SLC5A12: variants seen among roughly 807,000 people sequenced by gnomAD.
SLC5A12 encodes the protein solute carrier family 5 member 12.
SLC5A12 carries 46 observed loss-of-function variants against 72.7 expected under a neutral mutation model. The ratio of observed to expected loss-of-function variants is 0.63; its 90% CI spans 0.50 to 0.81. The LOEUF (loss-of-function observed/expected upper bound fraction) is 0.81. SLC5A12 is among the 30% of genes least tolerant of loss of function. SLC5A12 has a pLI of 0.00. For synonymous variants in SLC5A12, 275 were observed against 264.4 expected, an observed-to-expected ratio of 1.04 and a Z score of -0.39; for missense variants, 683 against 740.7, an observed-to-expected ratio of 0.92 and a Z score of 0.90.
chr11:26,718,743 C>T (rs1855411402), intron 1 of SLC5A12, among the ~76,000 whole-genome samples: 1 of 151,962 alleles, frequency 6.6e-6, no homozygotes, highest in Admixed American at 6.6e-5. Context: ...CCCAACTCAG[C>T]CTCCCAAAAT....
chr11:26,687,621 C>T (rs964935509), intron 9 of SLC5A12, among the ~76,000 whole-genome samples: 2 of 152,184 alleles, frequency 1.3e-5, no homozygotes, highest in African/African-American at 2.4e-5. Context: ...GCCTGGCACG[C>T]AGCAAGTACT....
chr11:26,686,365 G>A, intron 10 of SLC5A12, 112 bp downstream of exon 10: 1 of 824,170 alleles, frequency 1.2e-6, no homozygotes, highest in Admixed American at 2.1e-5. Context: ...TTAATTTGGA[G>A]CTGGTATCAT....
chr11:26,706,504 G>T (rs1855093264), intron 4 of SLC5A12, among the ~76,000 whole-genome samples: 1 of 151,612 alleles, frequency 6.6e-6, no homozygotes, highest in Non-Finnish European at 1.5e-5. Context: ...CATGTTTTTT[G>T]GTTTCTATTT....
intron 9 of SLC5A12, among the ~76,000 whole-genome samples, chr11:26,691,251 G>A (rs928029590): frequency 6.6e-6 from 1 of 151,746 alleles, no homozygotes; most frequent in Non-Finnish European, 1.5e-5. Context: ...CCACTAACTT[G>A]GGCAATTTAA....
chr11:26,704,841 G>A (rs977848960), intron 4 of SLC5A12, among the ~76,000 whole-genome samples: 2 of 152,042 alleles, frequency 1.3e-5, no homozygotes, highest in Admixed American at 1.3e-4. Flanking sequence ...ATTAGTGACA[G>A]GGAATATATT....
rs138666136 is a variant in SLC5A12 at position 26,677,614 on chromosome 11, A to C, written c.1579+1098T>G. Among the ~76,000 whole-genome samples the C allele has an allele frequency of 1.9e-3, 296 of 152,310 alleles. 2 individuals are homozygous for C. The highest frequency in any genetic ancestry group is 6.9e-3 in the African/African-American group (286 of 41,558). Reference sequence around the variant, plus strand: ...TCTTTTGCCTGAAACCATTTACATAAAGACATTGAGAGAGTTGTTATTATG... The same window carrying C: ...TCTTTTGCCTGAAACCATTTACATACAGACATTGAGAGAGTTGTTATTATG... On this transcript the variant is annotated intron_variant, in intron 13 of 14. Transcript: ENST00000396005.
intron 4 of SLC5A12, among the ~76,000 whole-genome samples, chr11:26,708,584 G>C (rs1037121961): frequency 6.6e-6 from 1 of 152,018 alleles, no homozygotes; most frequent in Non-Finnish European, 1.5e-5. Context: ...GTGAAGGAAA[G>C]ATAATTCAAC....
intron 9 of SLC5A12, chr11:26,692,210 C>T (rs1003621160): frequency 7.0e-5 from 18 of 255,742 alleles, no homozygotes; most frequent in East Asian, 4.6e-4. Flanking sequence ...GGGCCGTATG[C>T]GGCCCACAGG....
chr11:26,694,731 T>C (rs755337067), intron 8 of SLC5A12, among the ~76,000 whole-genome samples: 2 of 152,206 alleles, frequency 1.3e-5, no homozygotes, highest in Non-Finnish European at 2.9e-5. Context: ...GAGAAAAATA[T>C]GTGACCATTT....
intron 1 of SLC5A12, among the ~76,000 whole-genome samples, chr11:26,716,960 T>C (rs1413712683): frequency 6.6e-6 from 1 of 152,020 alleles, no homozygotes; most frequent in African/African-American, 2.4e-5. Flanking sequence ...ATTTCTAGAG[T>C]AAAAGCTAAT....
chr11:26,719,035 T>A (rs1236640623), intron 1 of SLC5A12, among the ~76,000 whole-genome samples: 1 of 152,172 alleles, frequency 6.6e-6, no homozygotes, highest in Non-Finnish European at 1.5e-5. Flanking sequence ...GAATCAAATC[T>A]CCTCAGTTAC....
At chr11:26,704,091 G>T in intron 4 of SLC5A12, 144 bp from the exon 5 acceptor site, 1 of 820,130 alleles carries the variant, frequency 1.2e-6, no homozygotes, top group Non-Finnish European at 1.9e-6. Context: ...CAAGTACCAT[G>T]TTAAGCATGA....
At chr11:26,708,369 G>T (rs1407218131) in intron 4 of SLC5A12, among the ~76,000 whole-genome samples, 1 of 151,904 alleles carries the variant, frequency 6.6e-6, no homozygotes, top group Non-Finnish European at 1.5e-5. Flanking sequence ...TAGAATCATG[G>T]TAATGAGAAT....
intron 9 of SLC5A12, 25 bp from the exon 10 acceptor site, chr11:26,686,569 A>G (rs368007287): frequency 6.2e-7 from 1 of 1,608,324 alleles, no homozygotes; most frequent in Non-Finnish European, 8.5e-7. Context: ...AATTACAATC[A>G]TAATTTCCTG....
rs560930121 is a variant in SLC5A12, at chr11:26,686,664, G to C, written c.1154-120C>G. 31 of 786,120 alleles carry C rather than the reference G, an allele frequency of 3.9e-5. No individual in the cohort carries two copies. In the South Asian group the frequency reaches 4.8e-4, roughly 12 times the overall value. 48.7% of individuals were successfully genotyped at this position (786,120 alleles called of 1,614,324 possible). On this transcript the variant is annotated intron_variant, in intron 9 of 14. Transcript: ENST00000396005. ...GCCCTTTGCAAAGGGATCTCAGCGA[G>C]GACCATCCTCCCCATTCAGCCATCA...
intron 4 of SLC5A12, among the ~76,000 whole-genome samples, chr11:26,706,243 T>C (rs1201335857): frequency 7.3e-6 from 1 of 137,726 alleles, no homozygotes; most frequent in Non-Finnish European, 1.6e-5. Context: ...ATTATATGGG[T>C]AGATTGGATT....
At position 26,721,542 on chromosome 11, in the gene SLC5A12, G is replaced by A; in HGVS notation, c.173C>T (p.Thr58Ile). 1 of 1,614,168 alleles carries A rather than the reference G, an allele frequency of 6.2e-7. No homozygotes were observed. Residue 58 changes from threonine to isoleucine, a missense_variant, in exon 1 of 15, where the codon ACA becomes ATA. Coordinates refer to ENST00000396005, the MANE Select transcript of SLC5A12 (RefSeq NM_178498.4). Reference sequence around the variant, plus strand: ...CGTGACAGCTGACATGAAGCTGGCTGTCAGAGACAAGCCGACAGGGCCAAA... The same window carrying A: ...CGTGACAGCTGACATGAAGCTGGCTATCAGAGACAAGCCGACAGGGCCAAA... The part of the protein sequence containing the change: ...MSFGPVGLSL[T>I]ASFMSAVTVL...
chr11:26,684,738 T>C (rs1854489708), intron 10 of SLC5A12, among the ~76,000 whole-genome samples: 1 of 152,128 alleles, frequency 6.6e-6, no homozygotes. Context: ...CTGGAGCCCC[T>C]CATACTTCAA....
chr11:26,715,011 C>T (rs1855317270), intron 1 of SLC5A12, among the ~76,000 whole-genome samples: 1 of 90,848 alleles, frequency 1.1e-5, no homozygotes, highest in East Asian at 3.6e-4. Context: ...TCACAAATAT[C>T]ATAAGGTAGA....
Sources: allele counts gnomAD v4.1 joint callset (sites outside exome capture counted in the v4.1 genomes callset), GRCh38; gene constraint gnomAD v4.1.1; transcripts MANE v1.5; gene names NCBI Gene and HGNC (gene_info 2026-07-23, HGNC 2026-07-21).